Variants in UBR3 observed in about 807,000 individuals in gnomAD.
The protein encoded by UBR3 is ubiquitin protein ligase E3 component n-recognin 3, also known as E3 ubiquitin-protein ligase UBR3.
Under a neutral mutation model 243.2 loss-of-function variants are expected in UBR3, and 85 were observed. The observed-to-expected ratio is 0.35, with a 90% confidence interval of 0.29 to 0.42. The LOEUF (loss-of-function observed/expected upper bound fraction) is 0.42. UBR3 is among the 10% of genes least tolerant of loss of function. The pLI is 1.00. For synonymous variants in UBR3, 748 were observed against 799.8 expected, an observed-to-expected ratio of 0.94 and a Z score of 1.09; for missense variants, 1,686 against 2,300.8, an observed-to-expected ratio of 0.73 and a Z score of 5.47.
chr2:169,909,360 G>A (rs896794852), intron 10 of UBR3, among the ~76,000 whole-genome samples: 87 of 152,166 alleles, frequency 5.7e-4, no homozygotes, highest in Non-Finnish European at 2.6e-4. Context: ...CAGGAGTAGC[G>A]TGGGTGGGAA....
intron 5 of UBR3, among the ~76,000 whole-genome samples, chr2:169,882,389 A>AT (rs1419176020): frequency 7.0e-6 from 1 of 143,082 alleles, no homozygotes; most frequent in Non-Finnish European, 1.5e-5. Context: ...TATATATAAA[A>AT]ATATATATAT....
intron 10 of UBR3, among the ~76,000 whole-genome samples, chr2:169,910,627 T>C (rs10200004): frequency 0.27 from 40,841 of 151,996 alleles, 5,702 homozygotes; most frequent in East Asian, 0.42. Context: ...TTCTCAGTTA[T>C]AGGAGCGTCT....
intron 32 of UBR3, among the ~76,000 whole-genome samples, chr2:170,054,230 G>C (rs2091283758): frequency 2.6e-5 from 4 of 151,370 alleles, no homozygotes; most frequent in Admixed American, 2.0e-4. Context: ...GAGCTCAAGT[G>C]ATCCTCTGCC....
intron 23 of UBR3, among the ~76,000 whole-genome samples, chr2:169,950,662 G>A (rs1259691519): frequency 6.6e-6 from 1 of 151,362 alleles, no homozygotes; most frequent in Non-Finnish European, 1.5e-5. Context: ...TATATACTAT[G>A]TTATGTGGGG....
At chr2:169,859,820 G>C in intron 1 of UBR3, among the ~76,000 whole-genome samples, 1 of 152,012 alleles carries the variant, frequency 6.6e-6, no homozygotes, top group Non-Finnish European at 1.5e-5. Flanking sequence ...GGGTTCAAGC[G>C]ATTCTTCTGC....
chr2:169,977,012 A>AT (rs58404500), intron 24 of UBR3, among the ~76,000 whole-genome samples: 40,416 of 151,168 alleles, frequency 0.27, 5,588 homozygotes, highest in East Asian at 0.42. Flanking sequence ...TTTCTGTGGT[A>AT]TTTTTTTGTT....
intron 1 of UBR3, among the ~76,000 whole-genome samples, chr2:169,856,725 G>C (rs1309923808): frequency 1.3e-5 from 2 of 152,042 alleles, no homozygotes; most frequent in East Asian, 1.9e-4. Context: ...CCAGGCACTC[G>C]GTAGGCTGAG....
chr2:169,859,080 G>GTTTTTTT (rs2082990493), intron 1 of UBR3, among the ~76,000 whole-genome samples: 1 of 132,232 alleles, frequency 7.6e-6, no homozygotes, highest in Non-Finnish European at 1.6e-5. Context: ...CCTCACCATG[G>GTTTTTTT]CTTTTTTTTT....
intron 30 of UBR3, among the ~76,000 whole-genome samples, chr2:170,022,362 A>G (rs1192474838): frequency 6.6e-6 from 1 of 152,160 alleles, no homozygotes; most frequent in Non-Finnish European, 1.5e-5. Flanking sequence ...AGTACTCAAG[A>G]CAGCCTTTTT....
intron 5 of UBR3, among the ~76,000 whole-genome samples, chr2:169,881,850 T>C (rs2083854556): frequency 7.3e-6 from 1 of 137,566 alleles, no homozygotes; most frequent in Non-Finnish European, 1.5e-5. Flanking sequence ...TGTATACATA[T>C]ACGTATATGT....
chr2:169,863,076 C>T (rs2083143753), intron 1 of UBR3, among the ~76,000 whole-genome samples: 1 of 152,122 alleles, frequency 6.6e-6, no homozygotes, highest in South Asian at 2.1e-4. Flanking sequence ...AATGTGGTTT[C>T]GTTATTTGAG....
chr2:169,863,855 C>T (rs1287182474), intron 1 of UBR3, among the ~76,000 whole-genome samples: 4 of 152,110 alleles, frequency 2.6e-5, no homozygotes, highest in Admixed American at 2.0e-4. Context: ...ACAATCTAAA[C>T]ACACGAAGTA....
At chr2:170,039,000 A>G (rs2090898991) in intron 31 of UBR3, among the ~76,000 whole-genome samples, 1 of 152,064 alleles carries the variant, frequency 6.6e-6, no homozygotes, top group Non-Finnish European at 1.5e-5. Flanking sequence ...AGTTCGAGAG[A>G]GTCATTGCTG....
Position 170,061,092 on chromosome 2 carries a change from C to T in UBR3, c.4799C>T (p.Ala1600Val). 3 of 1,570,380 alleles carry T rather than the reference C, an allele frequency of 1.9e-6. No homozygotes were observed. The highest frequency in any genetic ancestry group is 1.2e-5 in the South Asian group (1 of 81,714). ...AGALKKSTCD[A>V]EKSYEVLLSF... ...TAATTTTTTCAGAGTACATGTGATGCAGAAAAGTCTTACGAAGTATTACTG... is the reference window on the plus strand; with the variant it reads ...TAATTTTTTCAGAGTACATGTGATGTAGAAAAGTCTTACGAAGTATTACTG... Residue 1600 changes from alanine to valine, a missense_variant, in exon 34 of 39, where the codon GCA becomes GTA. Transcript: ENST00000272793.
chr2:169,879,372 G>C (rs938400929), intron 5 of UBR3, among the ~76,000 whole-genome samples: 4 of 152,124 alleles, frequency 2.6e-5, no homozygotes, highest in African/African-American at 7.2e-5. Context: ...TCTTGTAATT[G>C]ATTTAATACC....
chr2:169,845,516 GTCGTCGTCGTCGTCGTCT>G (rs1319377459), intron 1 of UBR3, among the ~76,000 whole-genome samples: 10 of 145,788 alleles, frequency 6.9e-5, no homozygotes, highest in African/African-American at 2.0e-4. Flanking sequence ...CGTCGTCGTC[GTCGTCGTCGTCGTCGTCT>G]TCTTCTTCTT....
intron 35 of UBR3, among the ~76,000 whole-genome samples, chr2:170,064,803 A>ATTTTTTTTT: frequency 9.5e-4 from 83 of 87,692 alleles, no homozygotes; most frequent in East Asian, 2.1e-3. Flanking sequence ...TGCTTTTTCT[A>ATTTTTTTTT]TTTTTTTTTT....
chr2:169,925,513 G>A (rs1360542467), intron 13 of UBR3, 106 bp from the exon 14 acceptor site: 1 of 1,020,642 alleles, frequency 9.8e-7, no homozygotes, highest in Non-Finnish European at 1.4e-6. Flanking sequence ...AGAATATCGG[G>A]CTTATACTAT....
chr2:169,833,346 A>G (rs1048555405), intron 1 of UBR3, among the ~76,000 whole-genome samples: 2 of 152,182 alleles, frequency 1.3e-5, no homozygotes, highest in African/African-American at 4.8e-5. Context: ...GTTCTGTCCT[A>G]TATTACAGAT....
Sources: allele counts gnomAD v4.1 joint callset (sites outside exome capture counted in the v4.1 genomes callset), GRCh38; gene constraint gnomAD v4.1.1; transcripts MANE v1.5; gene names NCBI Gene and HGNC (gene_info 2026-07-23, HGNC 2026-07-21).